The following ESR1 variants were observed in gnomAD, a reference collection of about 807,000 sequenced individuals.
ESR1 encodes the protein estrogen receptor.
In ESR1, 12 loss-of-function variants were observed where a neutral mutation model predicts 52.7. That is an observed-to-expected ratio of 0.23 (90% CI 0.15 to 0.37). The LOEUF (loss-of-function observed/expected upper bound fraction) is 0.37. Among genes scored for constraint, ESR1 ranks in the 10% least tolerant of loss-of-function variants. The probability of loss-of-function intolerance (pLI) is 1.00; values close to 1 mark genes in which losing one functional copy is unlikely to be tolerated. For synonymous variants in ESR1, 305 were observed against 316.8 expected (o/e 0.96, Z 0.39); for missense variants, 584 against 779.7 (o/e 0.75, Z 2.99).
chr6:151,911,849 CCA>C (rs1157007135), intron 3 of ESR1, among the ~76,000 whole-genome samples: 2 of 152,230 alleles, frequency 1.3e-5, no homozygotes, highest in Non-Finnish European at 2.9e-5. Flanking sequence ...GCATTGAGCA[CCA>C]TGGACATGGC....
chr6:152,004,609 A>G (rs950705039), intron 4 of ESR1, among the ~76,000 whole-genome samples: 1 of 151,988 alleles, frequency 6.6e-6, no homozygotes, highest in African/African-American at 2.4e-5. Context: ...GTTGGCTTTT[A>G]GTTGAGATAT....
chr6:151,938,351 A>G (rs9371232), intron 3 of ESR1, among the ~76,000 whole-genome samples: 1 of 152,194 alleles, frequency 6.6e-6, no homozygotes, highest in Non-Finnish European at 1.5e-5. Flanking sequence ...CTGAGATACA[A>G]TAGCCAAGCC....
At chr6:152,036,293 G>T (rs2045300244) in intron 5 of ESR1, among the ~76,000 whole-genome samples, 1 of 152,156 alleles carries the variant, frequency 6.6e-6, no homozygotes, top group Admixed American at 6.5e-5. Flanking sequence ...CTGGGAGGCG[G>T]AGCTTGCAGT....
intron 6 of ESR1, among the ~76,000 whole-genome samples, chr6:152,064,942 G>A (rs2047848885): frequency 6.6e-6 from 1 of 152,110 alleles, no homozygotes; most frequent in African/African-American, 2.4e-5. Flanking sequence ...CCATCTCCTT[G>A]GGTTATTGTG....
intron 3 of ESR1, among the ~76,000 whole-genome samples, chr6:151,918,024 T>C (rs940154364): frequency 6.6e-6 from 1 of 152,178 alleles, no homozygotes; most frequent in African/African-American, 2.4e-5. Context: ...GCAGTTTGTG[T>C]TTGTCAAGTG....
rs1778123614 is a variant in ESR1, at chr6:151,807,791, G to C, written c.-122G>C. 2.1e-6 allele frequency: 2 copies of C among 955,222 alleles called. No individual in the cohort carries two copies. The highest frequency in any genetic ancestry group is 1.4e-5 in the South Asian group (1 of 71,686). 59.2% of individuals were successfully genotyped at this position (955,222 alleles called of 1,614,324 possible). On this transcript the variant is annotated 5_prime_UTR_variant, in exon 1 of 8. Coordinates refer to ENST00000206249, the MANE Select transcript of ESR1 (RefSeq NM_000125.4). ...GGGCCGGGGCCAGAGCTCGCGTGTC[G>C]GCGGGACATGCGCTGCGTCGCCTCT... is the stretch of plus-strand genomic sequence containing the variant.
chr6:151,838,022 C>T (rs1216538184), intron 1 of ESR1, among the ~76,000 whole-genome samples: 2 of 152,012 alleles, frequency 1.3e-5, no homozygotes, highest in Admixed American at 6.6e-5. Flanking sequence ...TTTTTATAGA[C>T]AGGCTCTCAC....
intron 3 of ESR1, among the ~76,000 whole-genome samples, chr6:151,898,597 G>A (rs948136295): frequency 6.6e-6 from 1 of 151,844 alleles, no homozygotes; most frequent in Non-Finnish European, 1.5e-5. Flanking sequence ...GAGTGGTGAT[G>A]ACTCTTAACG....
upstream of ESR1, among the ~76,000 whole-genome samples, chr6:151,800,006 A>G (rs1241252974): frequency 3.9e-5 from 6 of 152,186 alleles, no homozygotes; most frequent in African/African-American, 1.4e-4. Context: ...TTACTTTTGG[A>G]CAAGTTGAGC....
chr6:151,877,319 A>C (rs921590672), intron 2 of ESR1, among the ~76,000 whole-genome samples: 2 of 152,216 alleles, frequency 1.3e-5, no homozygotes, highest in Admixed American at 1.3e-4. Context: ...TAAGGAAAAA[A>C]AACTACTTTG....
chr6:151,924,673 T>C (rs1279680510), intron 3 of ESR1, among the ~76,000 whole-genome samples: 1 of 152,194 alleles, frequency 6.6e-6, no homozygotes, highest in Non-Finnish European at 1.5e-5. Context: ...CACTTAAAAG[T>C]GAGAACATGC....
intron 2 of ESR1, among the ~76,000 whole-genome samples, chr6:151,730,985 G>A (rs1268570786): frequency 6.6e-6 from 1 of 152,180 alleles, no homozygotes; most frequent in Non-Finnish European, 1.5e-5. Flanking sequence ...AGGAGCCTGT[G>A]TCACCTAAGA....
chr6:151,669,177 A>AG (rs1279099874), intron 1 of ESR1, among the ~76,000 whole-genome samples: 17 of 113,500 alleles, frequency 1.5e-4, no homozygotes, highest in African/African-American at 5.8e-4. Flanking sequence ...AGAGAGAGAG[A>AG]GAGAGAGAGA....
chr6:151,984,928 G>C (rs939771577), intron 4 of ESR1, among the ~76,000 whole-genome samples: 2 of 152,062 alleles, frequency 1.3e-5, no homozygotes, highest in Non-Finnish European at 2.9e-5. Context: ...TCAAGATCTA[G>C]TCCCTTCTTT....
intron 5 of ESR1, among the ~76,000 whole-genome samples, chr6:152,027,430 G>A (rs1022853041): frequency 6.6e-6 from 1 of 151,920 alleles, no homozygotes; most frequent in Non-Finnish European, 1.5e-5. Context: ...ATCGTTTTTG[G>A]TTGTCTGGAG....
At chr6:151,759,569 G>C (rs1225759812) in intron 2 of ESR1, among the ~76,000 whole-genome samples, 1 of 152,148 alleles carries the variant, frequency 6.6e-6, no homozygotes, top group African/African-American at 2.4e-5. Flanking sequence ...GCTCTTTACT[G>C]TATTTAAGGT....
intron 4 of ESR1, among the ~76,000 whole-genome samples, chr6:151,962,009 A>G (rs2037730013): frequency 6.6e-6 from 1 of 152,100 alleles, no homozygotes; most frequent in Non-Finnish European, 1.5e-5. Context: ...TGAGGCAGTG[A>G]TGCTGATGAA....
chr6:151,999,669 G>A (rs148399596), intron 4 of ESR1, among the ~76,000 whole-genome samples: 3 of 152,196 alleles, frequency 2.0e-5, no homozygotes, highest in Admixed American at 2.0e-4. Context: ...GAATCAAAAT[G>A]TTTCCTACAG....
At chr6:151,791,289 G>A (rs146193265) in intron 2 of ESR1, among the ~76,000 whole-genome samples, 2,760 of 152,146 alleles carry the variant, frequency 0.018, 31 homozygotes, top group Non-Finnish European at 0.027. Flanking sequence ...CACGGGGGCG[G>A]GTCTCTCCCG....
Sources: allele counts gnomAD v4.1 joint callset (sites outside exome capture counted in the v4.1 genomes callset), GRCh38; gene constraint gnomAD v4.1.1; transcripts MANE v1.5; gene names NCBI Gene and HGNC (gene_info 2026-07-23, HGNC 2026-07-21).